Variants in ACAP3 observed in about 807,000 individuals in gnomAD.
ACAP3 encodes the protein ArfGAP with coiled-coil, ankyrin repeat and PH domains 3.
A neutral mutation model predicts 104.1 loss-of-function variants in ACAP3; 56 were observed. The ratio of observed to expected loss-of-function variants is 0.54; its 90% CI spans 0.43 to 0.67. The LOEUF (loss-of-function observed/expected upper bound fraction) is 0.67, where lower values mean the gene tolerates loss of function less well. Ranked by LOEUF, ACAP3 falls within the 30% of genes least tolerant of loss-of-function variation. The pLI is 0.00. For missense variants in ACAP3, 1,208 were observed against 1,174.9 expected (o/e 1.03, Z -0.41); for synonymous variants, 628 against 496.2 (o/e 1.27, Z -3.53).
At chr1:1,307,032 C>G (rs1158012686) in intron 1 of ACAP3, 4 of 566,708 alleles carry the variant, frequency 7.1e-6, no homozygotes, top group Non-Finnish European at 1.2e-5. Flanking sequence ...GCACCCCGCA[C>G]GAGCTCGTGC....
rs1049278529 is a variant in ACAP3, at chr1:1,296,212, T to G, written c.1406A>C (p.Lys469Thr). Residue 469 changes from lysine to threonine, a missense_variant and splice_region_variant, in exon 16 of 24, where the codon AAG becomes ACG. Coordinates refer to ENST00000354700, the MANE Select transcript of ACAP3 (RefSeq NM_030649.3). ...TLDSWEPELL[K>T]LMCELGNSAV... Reference sequence around the variant, plus strand: ...GGCCTCCAGGAGCCCCACACGCACCTTTAGCAGCTCAGGCTCCCACGAGTC... The same window carrying G: ...GGCCTCCAGGAGCCCCACACGCACCGTTAGCAGCTCAGGCTCCCACGAGTC... The G allele has an allele frequency of 6.3e-7, 1 of 1,576,580 alleles. No homozygotes were observed. Among genetic ancestry groups the G allele is most frequent in the Non-Finnish European group, 8.6e-7 (1 of 1,160,548 alleles).
chr1:1,307,530 C>T, intron 1 of ACAP3: 2 of 1,077,614 alleles, frequency 1.9e-6, no homozygotes, highest in Non-Finnish European at 2.4e-6. Flanking sequence ...CCGAGGTGCC[C>T]ACGGCTGCCC....
chr1:1,306,498 C>T (rs1420328377), intron 1 of ACAP3, among the ~76,000 whole-genome samples: 1 of 152,114 alleles, frequency 6.6e-6, no homozygotes, highest in Admixed American at 6.5e-5. Flanking sequence ...CAGAGGATGG[C>T]CCCAGTTCCT....
intron 21 of ACAP3, 44 bp downstream of exon 21, chr1:1,294,358 A>C: frequency 6.5e-7 from 1 of 1,538,660 alleles, no homozygotes; most frequent in South Asian, 1.2e-5. Flanking sequence ...TGCAAACGCG[A>C]CTGTGCACCT....
In ACAP3 at chr1:1,293,037, A is replaced by T. The variant is rs1640910255; in HGVS notation, c.*527T>A. On this transcript the variant is annotated 3_prime_UTR_variant, in exon 24 of 24. Transcript: ENST00000354700. ...CCAGCCAGGGCTGAGGACCCAGGCC[A>T]GAGCCCCTCCCGCCCAGCACCCGCG... 1.3e-5 allele frequency: 2 copies of T among 152,234 alleles called. No individual in the cohort carries two copies. The highest frequency in any genetic ancestry group is 4.1e-4 in the South Asian group (2 of 4,834). 9.4% of individuals were successfully genotyped at this position (152,234 alleles called of 1,614,324 possible). A position where few individuals can be genotyped will look rare whatever the true frequency, so the allele number is the denominator to read the frequency against.
Position 1,303,961 on chromosome 1 carries a change from G to T in ACAP3, c.105+125C>A. On this transcript the variant is annotated intron_variant, in intron 2 of 23. Transcript: ENST00000354700. The surrounding 1 kb of genome is among the most constrained non-coding windows in gnomAD (Gnocchi z 4.0). ...GCTAAGACACAGGGACCAGGACCTG[G>T]AGCACCACACGCATGCTCCACATAT... 8.6e-7 allele frequency: 1 copy of T among 1,165,738 alleles called. No homozygotes were observed. Among genetic ancestry groups the T allele is most frequent in the South Asian group, 1.4e-5 (1 of 71,116 alleles). 72.2% of individuals were successfully genotyped at this position (1,165,738 alleles called of 1,614,324 possible).
At chr1:1,300,309 A>T in intron 6 of ACAP3, 107 bp from the exon 7 acceptor site, 1 of 1,398,438 alleles carries the variant, frequency 7.2e-7, no homozygotes, top group Non-Finnish European at 9.6e-7. Context: ...TGAGACCCCC[A>T]GGTCGTCTTC....
intron 11 of ACAP3, 59 bp from the exon 12 acceptor site, chr1:1,298,480 CCCTGCCCCCA>C: frequency 6.3e-7 from 1 of 1,581,876 alleles, no homozygotes; most frequent in Non-Finnish European, 8.6e-7. Flanking sequence ...CTGCTGTGAC[CCCTGCCCCCA>C]CCTGAGGACC....
chr1:1,294,024 A>T lies in ACAP3; in HGVS notation c.2249+66T>A, dbSNP rs1640988055. The T allele has an allele frequency of 2.0e-6, 3 of 1,474,456 alleles. No individual in the cohort carries two copies. In the South Asian group the frequency reaches 4.0e-5, roughly 20 times the overall value. 91.3% of individuals were successfully genotyped at this position (1,474,456 alleles called of 1,614,324 possible). The stretch of plus-strand genomic sequence containing the variant: ...CGTGGCCGGATAGGGCATGGCGGAC[A>T]GGGCGTAGCCGGGCCGGGGTAGGCG... On this transcript the variant is annotated intron_variant, in intron 22 of 23. Transcript: ENST00000354700.
Position 1,298,101 on chromosome 1 carries a change from C to G in ACAP3, c.928G>C (p.Val310Leu). Residue 310 changes from valine to leucine, a missense_variant, in exon 13 of 24, where the codon GTG becomes CTG. By Grantham distance (32) the Val-to-Leu change is conservative. Transcript: ENST00000354700. ...YQKKLKDALTVVVDDLRLCSV... is the reference protein window; with the variant it reads ...YQKKLKDALTLVVDDLRLCSV... ...CACAGGCGGAGGTCATCCACCACCA[C>G]GGTGAGGGCATCCTGTGGGCGGCAC... 1 of 1,607,406 alleles carries G rather than the reference C, an allele frequency of 6.2e-7. No individual in the cohort carries two copies. The highest frequency in any genetic ancestry group is 8.5e-7 in the Non-Finnish European group (1 of 1,177,540).
chr1:1,307,855 G>A lies in ACAP3; in HGVS notation c.-40C>T. The A allele has an allele frequency of 2.0e-6, 2 of 1,007,946 alleles. No individual in the cohort carries two copies. The highest frequency in any genetic ancestry group is 2.4e-6 in the Non-Finnish European group (2 of 843,998). 62.4% of individuals were successfully genotyped at this position (1,007,946 alleles called of 1,614,324 possible). On this transcript the variant is annotated 5_prime_UTR_variant, in exon 1 of 24. Coordinates refer to ENST00000354700, the MANE Select transcript of ACAP3 (RefSeq NM_030649.3). ...CGGCGCTCACTGGCACGAGGACCGC[G>A]GCGCCGAGCGGCAGCCGCGCCGGCC... is the stretch of plus-strand genomic sequence containing the variant.
In ACAP3 at chr1:1,294,159, G is replaced by T; in HGVS notation, c.2180C>A (p.Ala727Glu). The part of the protein sequence containing the change: ...IVCEFLLQNG[A>E]DVNQRDSRGR... ...CCGGCTGTCTCTTTGGTTCACGTCC[G>T]CTCCGTTTTGCAGCAGGAACTCACA... Residue 727 changes from alanine (A) to glutamate (E), a missense_variant, in exon 22 of 24, where the codon GCG (alanine) becomes GAG (glutamate). Physicochemically the swap from Ala to Glu is moderately radical, Grantham distance 107. Transcript: ENST00000354700. 2 of 1,596,636 alleles carry T rather than the reference G, an allele frequency of 1.3e-6. No homozygotes were observed. The highest frequency in any genetic ancestry group is 1.7e-6 in the Non-Finnish European group (2 of 1,171,990).
rs869238177 is a variant in ACAP3, at chr1:1,301,258, C to CTT, written c.339-568_339-567dup. 3.6e-3 allele frequency among the ~76,000 whole-genome samples: 376 copies of CTT among 105,406 alleles called. 9 individuals are homozygous for CTT. The highest frequency in any genetic ancestry group is 0.011 in the African/African-American group (313 of 27,272). The allele number at this position is 105,406 out of a possible 152,430, so 69.2% of individuals were successfully genotyped here. ...GCTTATTTTTGGTTCTTGGGGGTGT[C>CTT]TTTTTTTTTTTTTTTTTTTTTGATG... On this transcript the variant is annotated intron_variant, in intron 5 of 23. Transcript: ENST00000354700.
In ACAP3 at chr1:1,293,739, G is replaced by GCCCTGGAGGCCCCGCCCCTC. The variant is rs1640953975; in HGVS notation, c.2361-32_2361-31insGAGGGGCGGGGCCTCCAGGG. The GCCCTGGAGGCCCCGCCCCTC allele has an allele frequency of 2.8e-6, 4 of 1,452,558 alleles. No homozygotes were observed. In the South Asian group the frequency reaches 5.4e-5, roughly 20 times the overall value. 90.0% of individuals were successfully genotyped at this position (1,452,558 alleles called of 1,614,324 possible). On this transcript the variant is annotated intron_variant, in intron 23 of 23. Transcript: ENST00000354700. ...GGGAGGCACAGCGTGAGACGCCCCT[G>GCCCTGGAGGCCCCGCCCCTC]CCCTGGAGGCCCCGCCCCTGCCCTG...
At chr1:1,302,799 C>T (rs115393821) in intron 4 of ACAP3, 123 bp downstream of exon 4, 137 of 284,142 alleles carry the variant, frequency 4.8e-4, no homozygotes, top group South Asian at 2.2e-3. Context: ...TGGGATTCCC[C>T]CCCCCCCCGA....
chr1:1,307,575 G>A (rs1186833971), intron 1 of ACAP3, among the ~76,000 whole-genome samples, 194 bp downstream of exon 1: 3 of 152,158 alleles, frequency 2.0e-5, no homozygotes, highest in Non-Finnish European at 4.4e-5. Context: ...GGCCGCACAG[G>A]GCAGGAGCGT....
Position 1,294,738 on chromosome 1 carries a change from A to T in ACAP3, c.1892T>A (p.Val631Glu). The change falls in exon 20 of 24, where the codon GTG (valine) becomes GAG (glutamate). Residue 631 changes from valine (V) to glutamate (E), a missense_variant. By Grantham distance (121) the Val-to-Glu change is moderately radical. Transcript: ENST00000354700. ...CCCACCCTCCTCAGTGACGCTGTCCACCACAGAGCCCGAGCCGAAAGCCAG... is the reference window on the plus strand; with the variant it reads ...CCCACCCTCCTCAGTGACGCTGTCCTCCACAGAGCCCGAGCCGAAAGCCAG... ...DVLAFGSGSV[V>E]DSVTEEEGAE... 1.3e-6 allele frequency: 2 copies of T among 1,549,680 alleles called. No individual in the cohort carries two copies. The highest frequency in any genetic ancestry group is 8.7e-7 in the Non-Finnish European group (1 of 1,146,682).
In ACAP3 at chr1:1,293,243, G is replaced by A; in HGVS notation, c.*321C>T. The A allele has an allele frequency of 5.1e-6, 1 of 194,904 alleles. No individual in the cohort carries two copies. The highest frequency in any genetic ancestry group is 2.3e-5 in the African/African-American group (1 of 42,556). The allele number at this position is 194,904 out of a possible 1,614,324, so 12.1% of individuals were successfully genotyped here. A position where few individuals can be genotyped will look rare whatever the true frequency, so the allele number is the denominator to read the frequency against. Reference sequence around the variant, plus strand: ...GCCCTGAGGACACAGGGACACAGGTGACACGGGCCTTAAAAGTGGCTTGTG... The same window carrying A: ...GCCCTGAGGACACAGGGACACAGGTAACACGGGCCTTAAAAGTGGCTTGTG... On this transcript the variant is annotated 3_prime_UTR_variant, in exon 24 of 24. Transcript: ENST00000354700.
intron 18 of ACAP3, 39 bp from the exon 19 acceptor site, chr1:1,295,593 C>T (rs768514242): frequency 2.5e-6 from 4 of 1,599,282 alleles, no homozygotes; most frequent in African/African-American, 1.3e-5. Flanking sequence ...GGAACAGGCC[C>T]GGGGTGGGGC....
Sources: allele counts gnomAD v4.1 joint callset (sites outside exome capture counted in the v4.1 genomes callset), GRCh38; gene constraint gnomAD v4.1.1; non-coding constraint Gnocchi (gnomAD v3.1); transcripts MANE v1.5; gene names NCBI Gene and HGNC (gene_info 2026-07-23, HGNC 2026-07-21).